ZNF48: variants seen among roughly 807,000 people sequenced by gnomAD.
The protein encoded by ZNF48 is zinc finger protein 48, also known as zinc finger protein 553.
A neutral mutation model predicts 40.0 loss-of-function variants in ZNF48; 20 were observed. That is an observed-to-expected ratio of 0.50 (90% CI 0.35 to 0.73). The LOEUF (loss-of-function observed/expected upper bound fraction) is 0.73. Among genes scored for constraint, ZNF48 ranks in the 30% least tolerant of loss-of-function variants. The probability of loss-of-function intolerance (pLI) is 0.01; values close to 1 mark genes in which losing one functional copy is unlikely to be tolerated. For synonymous variants in ZNF48, 298 were observed against 329.7 expected (o/e 0.90, Z 1.04); for missense variants, 726 against 851.9 (o/e 0.85, Z 1.84).
At chr16:30,385,625 A>C (rs2049895219) in intron 1 of ZNF48, among the ~76,000 whole-genome samples, 1 of 151,760 alleles carries the variant, frequency 6.6e-6, no homozygotes, top group South Asian at 2.1e-4. Context: ...CTCTGTCTCA[A>C]AAAAAAGGAA....
At chr16:30,384,982 G>T (rs758906125) in intron 1 of ZNF48, among the ~76,000 whole-genome samples, 1 of 151,902 alleles carries the variant, frequency 6.6e-6, no homozygotes, top group Non-Finnish European at 1.5e-5. Flanking sequence ...TTCGAGACCA[G>T]CCTGAGCAAC....
In ZNF48 at chr16:30,395,640, C is replaced by A; in HGVS notation, c.-16+62C>A. The A allele has an allele frequency of 2.1e-6, 1 of 477,498 alleles. No individual in the cohort carries two copies. Among genetic ancestry groups the A allele is most frequent in the Non-Finnish European group, 3.0e-6 (1 of 333,328 alleles). The allele number at this position is 477,498 out of a possible 1,614,324, so 29.6% of individuals were successfully genotyped here. A position where few individuals can be genotyped will look rare whatever the true frequency, so the allele number is the denominator to read the frequency against. On this transcript the variant is annotated intron_variant, in intron 1 of 2. Transcript: ENST00000613509. The surrounding 1 kb of genome is among the most constrained non-coding windows in gnomAD (Gnocchi z 5.9). Reference sequence around the variant, plus strand: ...GTGCAGGGGCGGCCGGCGGCGCGGGCAGGGGGCACCGGGAGCCGCGCCCGT... The same window carrying A: ...GTGCAGGGGCGGCCGGCGGCGCGGGAAGGGGGCACCGGGAGCCGCGCCCGT...
upstream of ZNF48, chr16:30,394,824 G>A: frequency 5.1e-6 from 1 of 197,356 alleles, no homozygotes; most frequent in Non-Finnish European, 1.1e-5. Context: ...TCAGGGCTCT[G>A]ATGTGAGTCT....
At position 30,381,345 on chromosome 16, in the gene ZNF48, C is replaced by T. The variant is rs942093928; in HGVS notation, c.-16+2935C>T. ...CAGGATCCCCCCACCAGACCCCCGG[C>T]CGAAGGGTGAGATGAAGTAGAGGCA... On this transcript the variant is annotated intron_variant, in intron 1 of 2. Coordinates refer to the ZNF48 transcript ENST00000528032. The surrounding 1 kb of genome is among the most constrained non-coding windows in gnomAD (Gnocchi z 4.3). 8 of 1,612,876 alleles carry T rather than the reference C, an allele frequency of 5.0e-6. No individual in the cohort carries two copies. The highest frequency in any genetic ancestry group is 1.3e-5 in the African/African-American group (1 of 74,548).
At position 30,382,742 on chromosome 16, in the gene ZNF48, C is replaced by T; in HGVS notation, c.-16+4332C>T. 2 of 1,536,284 alleles carry T rather than the reference C, an allele frequency of 1.3e-6. No homozygotes were observed. The highest frequency in any genetic ancestry group is 1.7e-6 in the Non-Finnish European group (2 of 1,146,754). On this transcript the variant is annotated intron_variant, in intron 1 of 2. Transcript: ENST00000528032. The surrounding 1 kb of genome is among the most constrained non-coding windows in gnomAD (Gnocchi z 4.8). ...CATCACCTGTCTACGTACCTTCAAC[C>T]CTCCATCCTTCACACATCTGGATTC...
intron 1 of ZNF48, chr16:30,379,666 T>TTTTTTTAG (rs2049814819): frequency 1.6e-6 from 1 of 615,998 alleles, no homozygotes; most frequent in South Asian, 2.1e-5. Context: ...TTTTTTTTTT[T>TTTTTTTAG]GAGACAGGGT....
upstream of ZNF48, among the ~76,000 whole-genome samples, chr16:30,394,020 TTCTCTC>T (rs952408814): frequency 6.6e-6 from 1 of 151,730 alleles, no homozygotes; most frequent in East Asian, 1.9e-4. Context: ...GCCCAGCCCA[TTCTCTC>T]TCTCTTTTTT....
Position 30,397,209 on chromosome 16 carries a change from G to T in ZNF48, c.80-121G>T. ...TAGTAAGTGCACCAGAGGTTGAGAG[G>T]ACAGAGAGATTGGGGTTCCTGTGAC... On this transcript the variant is annotated intron_variant, in intron 2 of 2. Coordinates refer to ENST00000613509, the MANE Select transcript of ZNF48 (RefSeq NM_001214909.2). The surrounding 1 kb of genome is among the most constrained non-coding windows in gnomAD (Gnocchi z 4.1). 1 of 867,908 alleles carries T rather than the reference G, an allele frequency of 1.2e-6. No individual in the cohort carries two copies. 53.8% of individuals were successfully genotyped at this position (867,908 alleles called of 1,614,324 possible).
chr16:30,381,315 GC>G lies in ZNF48; in HGVS notation c.-16+2910del. 6.3e-7 allele frequency: 1 copy of G among 1,589,650 alleles called. No individual in the cohort carries two copies. The highest frequency in any genetic ancestry group is 8.6e-7 in the Non-Finnish European group (1 of 1,161,164). Reference sequence around the variant, plus strand: ...CCCCCAGCCCTCCCTAAATGCGCCAGCCCCCAGGATCCCCCCACCAGACCCC... The same window carrying G: ...CCCCCAGCCCTCCCTAAATGCGCCAGCCCCAGGATCCCCCCACCAGACCCC... On this transcript the variant is annotated intron_variant, in intron 1 of 2. Transcript: ENST00000528032. The surrounding 1 kb of genome is among the most constrained non-coding windows in gnomAD (Gnocchi z 4.3).
At position 30,398,391 on chromosome 16, in the gene ZNF48, C is replaced by G. The variant is rs2050011619; in HGVS notation, c.1141C>G (p.His381Asp). The change falls in exon 3 of 3, where the codon CAC becomes GAC. Residue 381 changes from histidine to aspartate, a missense_variant. Transcript: ENST00000613509. The surrounding 1 kb of genome is among the most constrained non-coding windows in gnomAD (Gnocchi z 6.6). ...SSTLLRHRLTHMEPQDFSFPG... is the reference protein window; with the variant it reads ...SSTLLRHRLTDMEPQDFSFPG... The stretch of plus-strand genomic sequence containing the variant: ...CACCCTTCTTCGCCACCGCCTCACT[C>G]ACATGGAGCCCCAGGACTTCAGCTT... The G allele has an allele frequency of 6.2e-7, 1 of 1,611,994 alleles. No individual in the cohort carries two copies.
In ZNF48 at chr16:30,382,412, G is replaced by C. The variant is rs751946125; in HGVS notation, c.-16+4002G>C. On this transcript the variant is annotated intron_variant, in intron 1 of 2. Transcript: ENST00000528032. The surrounding 1 kb of genome is among the most constrained non-coding windows in gnomAD (Gnocchi z 4.8). ...ATGAGGCTGCTGGCAATGGCAGGCA[G>C]GGTCCCCAGGATCACTTGAGTTCCT... The C allele has an allele frequency of 6.4e-7, 1 of 1,572,456 alleles. No individual in the cohort carries two copies. Among genetic ancestry groups the C allele is most frequent in the South Asian group, 1.1e-5 (1 of 87,680 alleles).
At position 30,382,155 on chromosome 16, in the gene ZNF48, G is replaced by A; in HGVS notation, c.-16+3745G>A. The A allele has an allele frequency of 2.5e-6, 4 of 1,602,702 alleles. No homozygotes were observed. The highest frequency in any genetic ancestry group is 3.4e-6 in the Non-Finnish European group (4 of 1,174,592). On this transcript the variant is annotated intron_variant, in intron 1 of 2. Transcript: ENST00000528032. This position sits in a 1 kb window ranked among gnomAD's most constrained non-coding sequence, Gnocchi z 4.8. ...GGTGAGGAAGAGGCTGTTGATGAGG[G>A]TGGATTTCCCTAGGCCTGACTCCCC...
intron 1 of ZNF48, among the ~76,000 whole-genome samples, chr16:30,387,826 ATCTT>A (rs1328843848): frequency 6.6e-6 from 1 of 151,652 alleles, no homozygotes; most frequent in Non-Finnish European, 1.5e-5. Flanking sequence ...CCCAATCACT[ATCTT>A]TCTATAACCC....
chr16:30,387,534 G>A, intron 1 of ZNF48, among the ~76,000 whole-genome samples: 1 of 149,752 alleles, frequency 6.7e-6, no homozygotes, highest in Non-Finnish European at 1.5e-5. Context: ...CAGCCTGGGG[G>A]ACAAGAGTGA....
At position 30,399,137 on chromosome 16, in the gene ZNF48, G is replaced by A. The variant is rs761272602; in HGVS notation, c.*30G>A. The stretch of plus-strand genomic sequence containing the variant: ...GTCCAGGGAGGGCGGAGGCCCAGGA[G>A]ACCAAAGGGAGGGGCTCTGCCGCTT... On this transcript the variant is annotated 3_prime_UTR_variant, in exon 3 of 3. Transcript: ENST00000613509. The A allele has an allele frequency of 1.6e-5, 25 of 1,523,570 alleles. No individual in the cohort carries two copies. The highest frequency in any genetic ancestry group is 2.0e-5 in the Non-Finnish European group (23 of 1,137,130). 94.4% of individuals were successfully genotyped at this position (1,523,570 alleles called of 1,614,324 possible).
upstream of ZNF48, chr16:30,395,041 G>T: frequency 3.6e-6 from 1 of 278,274 alleles, no homozygotes; most frequent in Non-Finnish European, 7.6e-6. This position sits in a 1 kb window ranked among gnomAD's most constrained non-coding sequence, Gnocchi z 5.9. Context: ...CCCCGTCTGG[G>T]GTCTCCGCCG....
intron 1 of ZNF48, chr16:30,378,639 C>T (rs758977750): frequency 1.9e-6 from 3 of 1,610,712 alleles, no homozygotes; most frequent in Non-Finnish European, 1.7e-6. Flanking sequence ...ATCAGCTTCT[C>T]GGTGTCCGCC....
Position 30,396,032 on chromosome 16 carries a change from C to A in ZNF48, c.79+159C>A, listed in dbSNP as rs949561335. ...TTCGGAGCACCAACTGTGCGCCAGG[C>A]CGGGAGGGGCTCTTCACGGCCTCTG... On this transcript the variant is annotated intron_variant, in intron 2 of 2. Transcript: ENST00000613509. 1.6e-5 allele frequency: 11 copies of A among 679,352 alleles called. No homozygotes were observed. In the African/African-American group the frequency reaches 1.9e-4, roughly 11 times the overall value. The allele number at this position is 679,352 out of a possible 1,614,324, so 42.1% of individuals were successfully genotyped here. A position where few individuals can be genotyped will look rare whatever the true frequency, so the allele number is the denominator to read the frequency against.
intron 1 of ZNF48, chr16:30,379,985 C>T (rs576142483): frequency 1.5e-5 from 24 of 1,610,770 alleles, no homozygotes; most frequent in African/African-American, 9.4e-5. Context: ...GAGTCACATT[C>T]GGGGAACTGG....
Sources: allele counts gnomAD v4.1 joint callset (sites outside exome capture counted in the v4.1 genomes callset), GRCh38; gene constraint gnomAD v4.1.1; non-coding constraint Gnocchi (gnomAD v3.1); transcripts MANE v1.5; gene names NCBI Gene and HGNC (gene_info 2026-07-23, HGNC 2026-07-21).